RAPGEF2: variants seen among roughly 807,000 people sequenced by gnomAD.
The protein encoded by RAPGEF2 is PDZ domain containing guanine nucleotide exchange factor (GEF) 1.
RAPGEF2 carries 54 observed loss-of-function variants against 186.7 expected under a neutral mutation model. The ratio of observed to expected loss-of-function variants is 0.29; its 90% CI spans 0.23 to 0.36. RAPGEF2 has a LOEUF of 0.36. RAPGEF2 is among the 10% of genes least tolerant of loss of function. The pLI is 1.00. For synonymous variants in RAPGEF2, 712 were observed against 705.9 expected, an observed-to-expected ratio of 1.01 and a Z score of -0.14; for missense variants, 1,532 against 2,045.0, an observed-to-expected ratio of 0.75 and a Z score of 4.84.
At chr4:159,253,827 G>T (rs537663337) in intron 7 of RAPGEF2, among the ~76,000 whole-genome samples, 1 of 152,156 alleles carries the variant, frequency 6.6e-6, no homozygotes, top group Non-Finnish European at 1.5e-5. Flanking sequence ...AATGAGCTGG[G>T]TGTGGTGGTG....
At chr4:159,127,546 C>T (rs34172810) in intron 1 of RAPGEF2, among the ~76,000 whole-genome samples, 27,369 of 152,064 alleles carry the variant, frequency 0.18, 2,529 homozygotes, top group Admixed American at 0.24. Flanking sequence ...GCTTGCGTTT[C>T]TTCTGGGCAT....
chr4:159,166,237 C>G (rs1405019902), intron 1 of RAPGEF2, among the ~76,000 whole-genome samples: 1 of 152,040 alleles, frequency 6.6e-6, no homozygotes, highest in African/African-American at 2.4e-5. Context: ...TTGCTTGAAC[C>G]CAGGAGGCGG....
rs185373900 is a variant in RAPGEF2 at position 159,168,477 on chromosome 4, G to A, written c.70-18165G>A. On this transcript the variant is annotated intron_variant, in intron 1 of 29. Transcript: ENST00000691494. ...CCCTCCCCAGTTCATTGCAAAGGAG[G>A]CAGACTAGATGCCGGGCAGCCAGGC... Among the ~76,000 whole-genome samples the A allele has an allele frequency of 1.2e-4, 18 of 151,554 alleles. 1 individual carries two copies. The South Asian group carries it at 2.3e-3, about 19-fold the overall frequency.
chr4:159,297,157 T>C (rs892402756), intron 7 of RAPGEF2, among the ~76,000 whole-genome samples: 28 of 152,192 alleles, frequency 1.8e-4, no homozygotes, highest in African/African-American at 6.5e-4. Flanking sequence ...AAGCCACATC[T>C]TATCAAGCCC....
intron 8 of RAPGEF2, among the ~76,000 whole-genome samples, chr4:159,311,929 A>G (rs1310801652): frequency 6.6e-6 from 1 of 152,206 alleles, no homozygotes; most frequent in East Asian, 1.9e-4. Flanking sequence ...TTTTTGGTTT[A>G]GTAAATGTTA....
At chr4:159,169,859 A>G (rs1036480830) in intron 1 of RAPGEF2, among the ~76,000 whole-genome samples, 3 of 152,186 alleles carry the variant, frequency 2.0e-5, no homozygotes, top group Non-Finnish European at 2.9e-5. Context: ...GCTGTTGTGA[A>G]TAATGGTGCA....
At chr4:159,135,373 A>C (rs1741609727) in intron 1 of RAPGEF2, among the ~76,000 whole-genome samples, 1 of 151,608 alleles carries the variant, frequency 6.6e-6, no homozygotes, top group Non-Finnish European at 1.5e-5. Context: ...TGGCCAAGTA[A>C]TATTCCATTA....
intron 1 of RAPGEF2, among the ~76,000 whole-genome samples, chr4:159,114,244 C>T (rs1221299475): frequency 6.6e-6 from 1 of 151,816 alleles, no homozygotes. Context: ...GCTGGGATTA[C>T]AGGTGCACAC....
At chr4:159,267,485 A>G (rs1378073116) in intron 7 of RAPGEF2, among the ~76,000 whole-genome samples, 3 of 152,196 alleles carry the variant, frequency 2.0e-5, no homozygotes, top group East Asian at 3.9e-4. Context: ...CATGCTGCCA[A>G]GATTAATTGT....
At chr4:159,157,117 A>T (rs543699801) in intron 1 of RAPGEF2, among the ~76,000 whole-genome samples, 1 of 152,132 alleles carries the variant, frequency 6.6e-6, no homozygotes, top group Non-Finnish European at 1.5e-5. Context: ...TTGTCTGTCC[A>T]TTCAAGCTGA....
chr4:159,243,005 C>T (rs1754187570), intron 6 of RAPGEF2, among the ~76,000 whole-genome samples: 3 of 151,794 alleles, frequency 2.0e-5, no homozygotes, highest in Admixed American at 2.0e-4. Context: ...TGTTCTCTCC[C>T]CTCACCCCCA....
intron 1 of RAPGEF2, among the ~76,000 whole-genome samples, chr4:159,167,784 G>C (rs920559988): frequency 6.6e-6 from 1 of 152,170 alleles, no homozygotes; most frequent in Non-Finnish European, 1.5e-5. Flanking sequence ...TGATCTTGGA[G>C]AAACAAATTT....
At chr4:159,279,056 C>T (rs1357234788) in intron 7 of RAPGEF2, among the ~76,000 whole-genome samples, 1 of 152,108 alleles carries the variant, frequency 6.6e-6, no homozygotes, top group Non-Finnish European at 1.5e-5. Context: ...CTTCTTTTTA[C>T]TAGTTCATTA....
At chr4:159,318,350 T>C (rs765274272) in intron 9 of RAPGEF2, among the ~76,000 whole-genome samples, 2 of 152,206 alleles carry the variant, frequency 1.3e-5, no homozygotes, top group Non-Finnish European at 2.9e-5. Flanking sequence ...ACAACCTTTA[T>C]ATAAAATACA....
At chr4:159,114,420 T>C (rs1218173582) in intron 1 of RAPGEF2, among the ~76,000 whole-genome samples, 3 of 152,026 alleles carry the variant, frequency 2.0e-5, no homozygotes, top group Non-Finnish European at 4.4e-5. Context: ...TGCATTTTTT[T>C]AGATCTGTGT....
intron 9 of RAPGEF2, among the ~76,000 whole-genome samples, chr4:159,316,144 G>A (rs1052398929): frequency 1.1e-4 from 17 of 152,264 alleles, no homozygotes; most frequent in South Asian, 2.1e-4. Context: ...CTGTCTGGGC[G>A]TAACAGAAGG....
At chr4:159,320,871 T>C (rs893210553) in intron 9 of RAPGEF2, among the ~76,000 whole-genome samples, 10 of 152,210 alleles carry the variant, frequency 6.6e-5, no homozygotes, top group African/African-American at 2.4e-4. Context: ...ACATCTAGTA[T>C]GATTTTTATT....
At chr4:159,330,135 T>C in intron 12 of RAPGEF2, 125 bp downstream of exon 12, 1 of 1,009,124 alleles carries the variant, frequency 9.9e-7, no homozygotes. Context: ...TGAAAAATCT[T>C]TATGTATGAT....
At position 159,304,476 on chromosome 4, in the gene RAPGEF2, A is replaced by T. The variant is rs1763046603; in HGVS notation, c.675+3A>T. On this transcript the variant is annotated splice_donor_region_variant and intron_variant, in intron 8 of 29. Coordinates refer to ENST00000691494, the MANE Select transcript of RAPGEF2 (RefSeq NM_001394067.2). ...GCAGTCTTTCTGATATCTACCAGGT[A>T]AGAGGATGTTTTCCTTGTCATTTGC... 6.3e-7 allele frequency: 1 copy of T among 1,598,506 alleles called. No homozygotes were observed. The highest frequency in any genetic ancestry group is 1.1e-5 in the South Asian group (1 of 89,252).
Sources: allele counts gnomAD v4.1 joint callset (sites outside exome capture counted in the v4.1 genomes callset), GRCh38; gene constraint gnomAD v4.1.1; transcripts MANE v1.5; gene names NCBI Gene and HGNC (gene_info 2026-07-23, HGNC 2026-07-21).